The following HYCC1 variants were observed in gnomAD, a reference collection of about 807,000 sequenced individuals.
HYCC1 encodes hyccin PI4KA lipid kinase complex subunit 1.
chr7:22,987,879 G>A, the HYCC1 span, among the ~76,000 whole-genome samples: 1 of 151,974 alleles, frequency 6.6e-6, no homozygotes, highest in Non-Finnish European at 1.5e-5. Context: ...TTAGCATCAT[G>A]GTTATTAAAT....
the HYCC1 span, chr7:22,942,020 T>C: frequency 6.6e-6 from 1 of 152,150 alleles, no homozygotes; most frequent in Non-Finnish European, 1.5e-5. Flanking sequence ...TTAATACAGA[T>C]TTATTGTGCC....
chr7:22,994,486 T>C, the HYCC1 span, among the ~76,000 whole-genome samples: 3 of 152,176 alleles, frequency 2.0e-5, no homozygotes, highest in Non-Finnish European at 4.4e-5. Context: ...TGTATACATT[T>C]GGTGAAAATT....
chr7:23,013,411 G>A, the HYCC1 span, among the ~76,000 whole-genome samples: 6 of 152,362 alleles, frequency 3.9e-5, no homozygotes, highest in African/African-American at 1.4e-4. Context: ...AGTGACCATT[G>A]TGGCCACCAG....
chr7:22,945,615 T>G, the HYCC1 span: 2 of 1,612,072 alleles, frequency 1.2e-6, no homozygotes, highest in African/African-American at 1.3e-5. Context: ...GTAATGCTAA[T>G]ACTAGGAGGT....
the HYCC1 span, among the ~76,000 whole-genome samples, chr7:22,896,867 A>G: frequency 6.6e-6 from 1 of 152,322 alleles, no homozygotes; most frequent in African/African-American, 2.4e-5. Flanking sequence ...CTGAGGTAGT[A>G]TGTTTTCTAA....
chr7:22,959,099 T>C, the HYCC1 span, among the ~76,000 whole-genome samples: 1 of 152,214 alleles, frequency 6.6e-6, no homozygotes, highest in African/African-American at 2.4e-5. Flanking sequence ...GTTTAGACTA[T>C]ATGTTTTAAA....
the HYCC1 span, among the ~76,000 whole-genome samples, chr7:22,924,195 A>AGGGGG: frequency 7.3e-6 from 1 of 136,610 alleles, no homozygotes. Context: ...AAAAAAAAAA[A>AGGGGG]GGGGGGTGGA....
At chr7:22,934,041 C>T in the HYCC1 span, among the ~76,000 whole-genome samples, 4 of 152,018 alleles carry the variant, frequency 2.6e-5, no homozygotes, top group Admixed American at 2.0e-4. Flanking sequence ...CTTTGATTCT[C>T]CTGTTTGTAT....
chr7:22,975,999 C>A, the HYCC1 span, among the ~76,000 whole-genome samples: 4 of 152,196 alleles, frequency 2.6e-5, 1 homozygote, highest in African/African-American at 9.7e-5. Flanking sequence ...AAATTACAGA[C>A]ATGAGCTATC....
the HYCC1 span, among the ~76,000 whole-genome samples, chr7:22,972,774 G>C: frequency 3.9e-5 from 6 of 152,188 alleles, no homozygotes; most frequent in Non-Finnish European, 8.8e-5. Flanking sequence ...TATGTAGGAA[G>C]AAAACAGGCT....
chr7:22,913,242 A>T, the HYCC1 span, among the ~76,000 whole-genome samples: 2 of 152,242 alleles, frequency 1.3e-5, no homozygotes, highest in Non-Finnish European at 2.9e-5. Context: ...CAGACTGCAG[A>T]GCAATTTATG....
chr7:22,926,120 A>G, the HYCC1 span, among the ~76,000 whole-genome samples: 1 of 152,200 alleles, frequency 6.6e-6, no homozygotes, highest in Non-Finnish European at 1.5e-5. Context: ...TACTTTACAG[A>G]CAAGCAAATG....
the HYCC1 span, among the ~76,000 whole-genome samples, chr7:22,928,675 C>T: frequency 6.8e-3 from 1,033 of 151,766 alleles, 14 homozygotes; most frequent in Non-Finnish European, 0.011. Context: ...CACTGCTCAA[C>T]GAAATAAAAG....
chr7:22,987,192 G>T, the HYCC1 span, among the ~76,000 whole-genome samples: 2 of 152,196 alleles, frequency 1.3e-5, no homozygotes, highest in Non-Finnish European at 2.9e-5. Context: ...AAAAGATAGA[G>T]CTTGAACTAT....
the HYCC1 span, among the ~76,000 whole-genome samples, chr7:22,949,005 A>G: frequency 6.6e-6 from 1 of 152,038 alleles, no homozygotes; most frequent in East Asian, 1.9e-4. Context: ...AGACTTGTTT[A>G]TTTACATTGT....
chr7:23,007,937 T>C, the HYCC1 span, among the ~76,000 whole-genome samples: 1 of 152,052 alleles, frequency 6.6e-6, no homozygotes, highest in Non-Finnish European at 1.5e-5. Flanking sequence ...TTCCTTAACA[T>C]ACCATAAATA....
the HYCC1 span, chr7:22,976,121 C>T: frequency 1.1e-6 from 1 of 870,234 alleles, no homozygotes; most frequent in South Asian, 1.4e-5. Context: ...CAAATGATTA[C>T]ACAAAACAAA....
chr7:22,936,650 T>A, the HYCC1 span: 1 of 152,202 alleles, frequency 6.6e-6, no homozygotes, highest in Non-Finnish European at 1.5e-5. Flanking sequence ...TCCAACCACC[T>A]GGCCAGGTAT....
chr7:22,948,811 G>A, the HYCC1 span, among the ~76,000 whole-genome samples: 1 of 151,996 alleles, frequency 6.6e-6, no homozygotes, highest in Admixed American at 6.6e-5. Context: ...TGAGGTAGTA[G>A]TGCACTGCTG....
Sources: gnomAD v4.1 joint callset for allele counts (sites outside exome capture counted in the v4.1 genomes callset) on GRCh38, gnomAD v4.1.1 for gene constraint, MANE v1.5 for transcripts, NCBI Gene and HGNC (gene_info 2026-07-23, HGNC 2026-07-21) for gene names.